The following ADGRF3 variants were observed in gnomAD, a reference collection of about 807,000 sequenced individuals.
ADGRF3 encodes the protein adhesion G protein-coupled receptor F3.
ADGRF3 carries 85 observed loss-of-function variants against 93.2 expected under a neutral mutation model. The ratio of observed to expected loss-of-function variants is 0.91; its 90% CI spans 0.77 to 1.09. The LOEUF (loss-of-function observed/expected upper bound fraction) is 1.09, where lower values mean the gene tolerates loss of function less well. Among genes scored for constraint, ADGRF3 ranks in the 50% least tolerant of loss-of-function variants. The pLI is 0.00. For synonymous variants in ADGRF3, 534 were observed against 532.5 expected, an observed-to-expected ratio of 1.00 and a Z score of -0.04; for missense variants, 1,125 against 1,246.2, an observed-to-expected ratio of 0.90 and a Z score of 1.46.
At chr2:26,309,373 A>G in intron 13 of ADGRF3, 153 bp downstream of exon 13, 1 of 1,492,322 alleles carries the variant, frequency 6.7e-7, no homozygotes, top group Non-Finnish European at 8.9e-7. Context: ...CCATCTAGCA[A>G]TGGCTACCCT....
chr2:26,338,387 A>G (rs187290900), intron 1 of ADGRF3, among the ~76,000 whole-genome samples: 10 of 152,332 alleles, frequency 6.6e-5, no homozygotes, highest in Admixed American at 3.9e-4. Context: ...GATGAGCCAG[A>G]GCACTGGATG....
At chr2:26,326,799 GTC>G (rs756996326) in intron 1 of ADGRF3, among the ~76,000 whole-genome samples, 9 of 152,062 alleles carry the variant, frequency 5.9e-5, no homozygotes, top group Non-Finnish European at 1.3e-4. Flanking sequence ...TTGAGATGGA[GTC>G]TCTCTCTGTC....
rs769404052 is a variant in ADGRF3, at chr2:26,310,699, G to A, written c.2825C>T (p.Thr942Ile). 6.2e-7 allele frequency: 1 copy of A among 1,610,626 alleles called. No individual in the cohort carries two copies. The highest frequency in any genetic ancestry group is 1.3e-5 in the African/African-American group (1 of 74,848). ...CACCCCCCTATCACCTACCTGGAGG[G>A]TGTTGAGAATGGTGAAGATGTAATG... is the stretch of plus-strand genomic sequence containing the variant. ...VPHYIFTILN[T>I]LQGVFILLFG... The change falls in exon 10 of 14, where the codon ACC (threonine) becomes ATC (isoleucine). Residue 942 changes from threonine to isoleucine, a missense_variant. Transcript: ENST00000651242.
intron 1 of ADGRF3, 70 bp downstream of exon 1, chr2:26,346,051 C>G: frequency 6.8e-7 from 1 of 1,459,940 alleles, no homozygotes; most frequent in Non-Finnish European, 9.2e-7. Context: ...GCTGCGCTTG[C>G]GCACTGAGAG....
intron 12 of ADGRF3, 69 bp downstream of exon 12, chr2:26,309,974 G>A: frequency 6.2e-7 from 1 of 1,614,014 alleles, no homozygotes; most frequent in East Asian, 2.2e-5. Context: ...TGTCCTCTGA[G>A]GAGGGCCATG....
rs773842388 is a variant in ADGRF3, at chr2:26,312,957, G to A, written c.1435C>T (p.Arg479Cys). ...VVAEARIQLD[R>C]RALKNLLIAT... ...AGAGATCTCACCTTCAGGGCTCTGC[G>A]GTCAAGCTGTATTCTGGCCTCTGCC... The change falls in exon 9 of 14, where the codon CGC (arginine) becomes TGC (cysteine). Residue 479 changes from arginine (R) to cysteine (C), a missense_variant. Arg to Cys is a radical substitution (Grantham distance 180). Coordinates refer to ENST00000651242, the MANE Select transcript of ADGRF3 (RefSeq NM_001321971.2). The A allele has an allele frequency of 1.4e-5, 23 of 1,611,542 alleles. No individual in the cohort carries two copies. The highest frequency in any genetic ancestry group is 4.5e-5 in the East Asian group (2 of 44,830).
chr2:26,321,614 G>A, intron 1 of ADGRF3, among the ~76,000 whole-genome samples: 1 of 152,104 alleles, frequency 6.6e-6, no homozygotes, highest in East Asian at 1.9e-4. Context: ...AGCCTCCAGT[G>A]GAGGGAAGGC....
chr2:26,338,292 T>C (rs1558401902), intron 1 of ADGRF3, among the ~76,000 whole-genome samples: 2 of 151,948 alleles, frequency 1.3e-5, no homozygotes, highest in Non-Finnish European at 1.5e-5. Context: ...GGTGGGAGGA[T>C]TGCTTGAGTC....
intron 1 of ADGRF3, among the ~76,000 whole-genome samples, chr2:26,326,591 A>G (rs1463867148): frequency 6.6e-6 from 1 of 152,222 alleles, no homozygotes; most frequent in East Asian, 1.9e-4. Context: ...TATAAAGTCA[A>G]TAAACCTAGA....
intron 1 of ADGRF3, among the ~76,000 whole-genome samples, chr2:26,338,750 C>A (rs1183790290): frequency 1.3e-5 from 2 of 152,132 alleles, no homozygotes; most frequent in Non-Finnish European, 2.9e-5. Flanking sequence ...GCATGAGCCA[C>A]CGTATCCGGC....
At chr2:26,343,465 A>T (rs1171327742) in intron 1 of ADGRF3, among the ~76,000 whole-genome samples, 1 of 151,640 alleles carries the variant, frequency 6.6e-6, no homozygotes, top group Non-Finnish European at 1.5e-5. Context: ...TTTGAGACAG[A>T]GCCTCGCTGT....
In ADGRF3 at chr2:26,314,448, G is replaced by T. The variant is rs1288973895; in HGVS notation, c.894C>A (p.Tyr298Ter). Reference protein sequence around the residue: ...SCCIPSTNLAYTAAWSPGEGS... With the variant: ...SCCIPSTNLA ...CCTCTCCAGGGCTCCAGGCCGCGGT[G>T]TAGGCCAGGTTTGTGCTGGGGATGC... Residue 298 changes from tyrosine to a stop codon, truncating the protein, a stop_gained, in exon 6 of 14, where the codon TAC becomes TAA. Transcript: ENST00000651242. LOFTEE classifies it high-confidence loss of function. 1.2e-6 allele frequency: 2 copies of T among 1,614,010 alleles called. No individual in the cohort carries two copies. The highest frequency in any genetic ancestry group is 2.2e-5 in the South Asian group (2 of 91,070).
chr2:26,312,152 C>G, intron 9 of ADGRF3, 78 bp from the exon 10 acceptor site: 1 of 1,367,168 alleles, frequency 7.3e-7, no homozygotes, highest in Non-Finnish European at 9.9e-7. Flanking sequence ...GAACAACAGA[C>G]CCCACACCTT....
chr2:26,327,624 C>T (rs1675507314), intron 1 of ADGRF3, among the ~76,000 whole-genome samples: 1 of 149,058 alleles, frequency 6.7e-6, no homozygotes, highest in Non-Finnish European at 1.5e-5. Context: ...GAGGGGCTCA[C>T]ACCTGGTGAG....
At chr2:26,340,174 A>T (rs1440297980) in intron 1 of ADGRF3, among the ~76,000 whole-genome samples, 4 of 151,438 alleles carry the variant, frequency 2.6e-5, no homozygotes, top group Admixed American at 2.0e-4. Context: ...TGTCTGATTT[A>T]AAAAAAAATA....
chr2:26,323,048 A>C (rs572039139), intron 1 of ADGRF3, among the ~76,000 whole-genome samples: 9 of 152,280 alleles, frequency 5.9e-5, no homozygotes, highest in African/African-American at 1.9e-4. Context: ...CGGAGGCATG[A>C]GAATCACTTG....
chr2:26,337,328 C>G (rs1202965864), intron 1 of ADGRF3, among the ~76,000 whole-genome samples: 1 of 152,220 alleles, frequency 6.6e-6, no homozygotes, highest in Non-Finnish European at 1.5e-5. Context: ...GTAGCTTCCA[C>G]TTTATTGTTC....
chr2:26,340,284 G>A (rs1676298312), intron 1 of ADGRF3: 1 of 152,096 alleles, frequency 6.6e-6, no homozygotes, highest in South Asian at 2.1e-4. Flanking sequence ...GCTCTATGTT[G>A]GCCACTGTTG....
Position 26,311,907 on chromosome 2 carries a change from A to G in ADGRF3, c.1617T>C (p.Asn539=). 1 of 1,613,904 alleles carries G rather than the reference A, an allele frequency of 6.2e-7. No individual in the cohort carries two copies. The highest frequency in any genetic ancestry group is 1.1e-5 in the South Asian group (1 of 91,080). Residue 539 remains asparagine (N), a synonymous_variant, in exon 10 of 14, where the codon AAT becomes AAC. Coordinates refer to ENST00000651242, the MANE Select transcript of ADGRF3 (RefSeq NM_001321971.2). ...QDHPFAFSLP[N]VLLQSQLFGP... Reference sequence around the variant, plus strand: ...CAAACAGCTGGCTCTGCAGCAGCACATTGGGTAAGCTGAAGGCGAAGGGGT... The same window carrying G: ...CAAACAGCTGGCTCTGCAGCAGCACGTTGGGTAAGCTGAAGGCGAAGGGGT...
Sources: gnomAD v4.1 joint callset for allele counts (sites outside exome capture counted in the v4.1 genomes callset) on GRCh38, gnomAD v4.1.1 for gene constraint, MANE v1.5 for transcripts, NCBI Gene and HGNC (gene_info 2026-07-23, HGNC 2026-07-21) for gene names.